The following NEK7 variants were observed in gnomAD, a reference collection of about 807,000 sequenced individuals.
The protein encoded by NEK7 is serine/threonine-protein kinase Nek7.
NEK7 carries 18 observed loss-of-function variants against 44.6 expected under a neutral mutation model. The observed-to-expected ratio is 0.40, with a 90% CI of 0.28 to 0.60. The LOEUF is 0.60. Ranked by LOEUF, NEK7 falls within the 20% of genes least tolerant of loss-of-function variation. The probability of loss-of-function intolerance (pLI) is 0.38; values close to 1 mark genes in which losing one functional copy is unlikely to be tolerated. For synonymous variants in NEK7, 130 were observed against 121.1 expected, an observed-to-expected ratio of 1.07 and a Z score of -0.48; for missense variants, 256 against 366.5, an observed-to-expected ratio of 0.70 and a Z score of 2.46.
chr1:198,235,287 C>G (rs1013224831), intron 2 of NEK7, among the ~76,000 whole-genome samples: 2 of 151,930 alleles, frequency 1.3e-5, no homozygotes, highest in Non-Finnish European at 2.9e-5. Flanking sequence ...AGTGTAAGTT[C>G]CTTTTGTTTT....
At chr1:198,196,387 A>G (rs1297881696) in intron 1 of NEK7, among the ~76,000 whole-genome samples, 2 of 152,332 alleles carry the variant, frequency 1.3e-5, no homozygotes, top group Admixed American at 6.5e-5. Context: ...TTTGGAGTAA[A>G]TGTTCATAGA....
chr1:198,312,521 T>C (rs1023466798), intron 9 of NEK7, among the ~76,000 whole-genome samples: 1 of 152,266 alleles, frequency 6.6e-6, no homozygotes, highest in Non-Finnish European at 1.5e-5. Flanking sequence ...GTTCTTTTAA[T>C]TGTGATGTTA....
intron 1 of NEK7, among the ~76,000 whole-genome samples, chr1:198,219,682 G>A (rs570186213): frequency 1.3e-5 from 2 of 151,944 alleles, no homozygotes; most frequent in Admixed American, 6.6e-5. Flanking sequence ...CATCATTATT[G>A]TATAAAATAA....
chr1:198,182,087 A>C (rs1433982234), intron 1 of NEK7, among the ~76,000 whole-genome samples: 1 of 152,092 alleles, frequency 6.6e-6, no homozygotes, highest in Non-Finnish European at 1.5e-5. Context: ...GTGAAATAAT[A>C]AAAAAGGTAG....
At chr1:198,251,281 T>C (rs1279497600) in intron 2 of NEK7, among the ~76,000 whole-genome samples, 2 of 151,914 alleles carry the variant, frequency 1.3e-5, no homozygotes, top group Non-Finnish European at 1.5e-5. Flanking sequence ...GGTTTGTCAG[T>C]ATTTTATTGA....
chr1:198,274,459 C>G (rs1653955869), intron 5 of NEK7, among the ~76,000 whole-genome samples: 1 of 151,598 alleles, frequency 6.6e-6, no homozygotes, highest in Non-Finnish European at 1.5e-5. Context: ...CCTGATAGTT[C>G]CAGATATTTT....
At chr1:198,208,761 G>C (rs1665671954) in intron 1 of NEK7, among the ~76,000 whole-genome samples, 1 of 152,088 alleles carries the variant, frequency 6.6e-6, no homozygotes, top group Non-Finnish European at 1.5e-5. Context: ...GGCTTTTGAA[G>C]TCCTTAGCCA....
chr1:198,204,076 C>T (rs899653350), intron 1 of NEK7, among the ~76,000 whole-genome samples: 16 of 151,934 alleles, frequency 1.1e-4, no homozygotes, highest in Admixed American at 9.2e-4. Context: ...GGCAGCATAG[C>T]GAGATCCTGT....
chr1:198,215,814 A>C (rs1294953481), intron 1 of NEK7, among the ~76,000 whole-genome samples: 1 of 151,586 alleles, frequency 6.6e-6, no homozygotes, highest in Non-Finnish European at 1.5e-5. Flanking sequence ...AATAAAAAAA[A>C]ACATCATTAT....
At chr1:198,206,231 T>C (rs1261914971) in intron 1 of NEK7, among the ~76,000 whole-genome samples, 1 of 152,170 alleles carries the variant, frequency 6.6e-6, no homozygotes, top group Non-Finnish European at 1.5e-5. Context: ...GGTAACAGAC[T>C]TTGAATTAAG....
intron 1 of NEK7, among the ~76,000 whole-genome samples, chr1:198,211,418 A>G (rs761908509): frequency 6.6e-6 from 1 of 152,226 alleles, no homozygotes; most frequent in South Asian, 2.1e-4. Context: ...ACACTCACAG[A>G]TTACATAGTT....
intron 1 of NEK7, among the ~76,000 whole-genome samples, chr1:198,209,060 CACACACACAT>C (rs1665687332): frequency 9.3e-6 from 1 of 107,164 alleles, no homozygotes; most frequent in African/African-American, 3.8e-5. Context: ...TATATATATA[CACACACACAT>C]ACGCACATAT....
At chr1:198,256,510 A>G (rs1293260813) in intron 3 of NEK7, 1 of 1,544,604 alleles carries the variant, frequency 6.5e-7, no homozygotes, top group South Asian at 1.2e-5. Context: ...TAACTAATAA[A>G]ACAATTTTGA....
At chr1:198,174,736 G>T (rs1558041801) in intron 1 of NEK7, among the ~76,000 whole-genome samples, 1 of 150,094 alleles carries the variant, frequency 6.7e-6, no homozygotes, top group Non-Finnish European at 1.5e-5. Flanking sequence ...AAAGCATTGT[G>T]TTTTTTTTTG....
intron 7 of NEK7, among the ~76,000 whole-genome samples, chr1:198,284,580 G>A (rs964952723): frequency 4.6e-5 from 7 of 152,110 alleles, no homozygotes; most frequent in Non-Finnish European, 1.0e-4. Flanking sequence ...TTGTGAAATT[G>A]GAACACGGCA....
At chr1:198,314,347 A>G (rs1429132448) in intron 9 of NEK7, among the ~76,000 whole-genome samples, 1 of 152,028 alleles carries the variant, frequency 6.6e-6, no homozygotes, top group Non-Finnish European at 1.5e-5. Context: ...AATTTTTTTC[A>G]AAGTTTTCAA....
At chr1:198,217,901 C>T (rs1346819144) in intron 1 of NEK7, among the ~76,000 whole-genome samples, 2 of 148,360 alleles carry the variant, frequency 1.3e-5, no homozygotes, top group Non-Finnish European at 3.0e-5. Context: ...TGAAAGATCT[C>T]TACAAGGAGA....
intron 3 of NEK7, among the ~76,000 whole-genome samples, chr1:198,255,536 G>A (rs67475806): frequency 0.2 from 30,194 of 152,012 alleles, 3,595 homozygotes; most frequent in African/African-American, 0.32. Flanking sequence ...GAGGGAGGAA[G>A]AAAAAAGCTC....
At chr1:198,159,299 A>C (rs898718667) in intron 1 of NEK7, among the ~76,000 whole-genome samples, 2 of 152,100 alleles carry the variant, frequency 1.3e-5, no homozygotes, top group Non-Finnish European at 2.9e-5. Context: ...TGGAGAAAGA[A>C]AGAAAGGAAG....
Sources: allele counts gnomAD v4.1 joint callset (sites outside exome capture counted in the v4.1 genomes callset), GRCh38; gene constraint gnomAD v4.1.1; transcripts MANE v1.5; gene names NCBI Gene and HGNC (gene_info 2026-07-23, HGNC 2026-07-21).